Variants in PBX1 observed in about 807,000 individuals in gnomAD.
The protein encoded by PBX1 is PBX homeobox 1.
Under a neutral mutation model 53.4 loss-of-function variants are expected in PBX1, and 6 were observed. The observed-to-expected ratio is 0.11, with a 90% confidence interval of 0.06 to 0.22. The LOEUF is 0.22. PBX1 is among the 10% of genes least tolerant of loss of function. The probability of loss-of-function intolerance (pLI) is 1.00; values close to 1 mark genes in which losing one functional copy is unlikely to be tolerated. For synonymous variants in PBX1, 204 were observed against 212.3 expected, an observed-to-expected ratio of 0.96 and a Z score of 0.34; for missense variants, 251 against 551.4, an observed-to-expected ratio of 0.46 and a Z score of 5.46.
intron 2 of PBX1, among the ~76,000 whole-genome samples, chr1:164,782,546 T>A (rs2102277962): frequency 6.6e-6 from 1 of 152,378 alleles, no homozygotes; most frequent in South Asian, 2.1e-4. Flanking sequence ...AATAGCTCAT[T>A]GTATTAGGAA....
rs1324857509 is a variant in PBX1, at chr1:164,663,212, G to GCCTT, written c.265+99905_265+99908dup. Among the ~76,000 whole-genome samples, 685 of 140,154 alleles carry GCCTT rather than the reference G, an allele frequency of 4.9e-3. 5 individuals carry two copies. The highest frequency in any genetic ancestry group is 0.016 in the African/African-American group (606 of 37,500). 91.9% of individuals were successfully genotyped at this position (140,154 alleles called of 152,430 possible). A position where few individuals can be genotyped will look rare whatever the true frequency, so the allele number is the denominator to read the frequency against. On this transcript the variant is annotated intron_variant, in intron 2 of 8. Transcript: ENST00000420696. ...TGTCTTCCTTCCTGCCTTCCTTCCT[G>GCCTT]CCTTCCTGCCTTCCTGCCTTCCTTC...
intron 2 of PBX1, among the ~76,000 whole-genome samples, chr1:164,712,169 G>T: frequency 9.6e-6 from 1 of 104,176 alleles, no homozygotes; most frequent in Admixed American, 1.3e-4. Flanking sequence ...AGGGAAGGAA[G>T]AAGAGATTAA....
chr1:164,588,473 CTT>C (rs371768861), intron 2 of PBX1, among the ~76,000 whole-genome samples: 319 of 72,972 alleles, frequency 4.4e-3, no homozygotes, highest in African/African-American at 0.012. Flanking sequence ...CCGGACTAAG[CTT>C]TTTTTTTTTT....
chr1:164,615,800 A>G (rs1342008202), intron 2 of PBX1, among the ~76,000 whole-genome samples: 1 of 152,198 alleles, frequency 6.6e-6, no homozygotes, highest in African/African-American at 2.4e-5. Flanking sequence ...AACTGTCACA[A>G]GAGGGGAGGA....
intron 2 of PBX1, among the ~76,000 whole-genome samples, chr1:164,564,212 CT>C (rs1411987522): frequency 1.6e-4 from 25 of 152,144 alleles, no homozygotes; most frequent in African/African-American, 5.6e-4. Context: ...CTGCTGGGCT[CT>C]GACTTACCCG....
At chr1:164,779,074 C>T (rs1323456070) in intron 2 of PBX1, among the ~76,000 whole-genome samples, 1 of 145,522 alleles carries the variant, frequency 6.9e-6, no homozygotes, top group Non-Finnish European at 1.5e-5. Context: ...GACGGAGTCT[C>T]ACTCTGTCCC....
At chr1:164,769,231 G>A (rs980102685) in intron 2 of PBX1, 19 of 152,116 alleles carry the variant, frequency 1.2e-4, no homozygotes, top group African/African-American at 4.6e-4. Flanking sequence ...TCTCACAGGG[G>A]TCAAATGAGA....
At chr1:164,679,837 A>T (rs1661649026) in intron 2 of PBX1, among the ~76,000 whole-genome samples, 1 of 152,164 alleles carries the variant, frequency 6.6e-6, no homozygotes, top group African/African-American at 2.4e-5. Context: ...TAGGACAAAC[A>T]TTGATCACCC....
intron 2 of PBX1, chr1:164,684,550 T>A (rs1661983031): frequency 6.6e-6 from 1 of 152,202 alleles, no homozygotes. Context: ...TGACCAGTCC[T>A]TTCACTGAAA....
intron 2 of PBX1, among the ~76,000 whole-genome samples, chr1:164,665,005 A>G (rs1308997345): frequency 3.6e-4 from 55 of 152,338 alleles, no homozygotes; most frequent in Admixed American, 3.3e-3. Context: ...GTCTTAGAAA[A>G]GAGACCATTT....
chr1:164,801,940 C>A (rs1669098279), intron 4 of PBX1, among the ~76,000 whole-genome samples: 1 of 152,230 alleles, frequency 6.6e-6, no homozygotes, highest in South Asian at 2.1e-4. Context: ...CCTCCAGCGT[C>A]ACTAGCTATA....
At chr1:164,866,115 G>A (rs1672210509) in intron 2 of PBX1, among the ~76,000 whole-genome samples, 1 of 152,104 alleles carries the variant, frequency 6.6e-6, no homozygotes, top group Non-Finnish European at 1.5e-5. Flanking sequence ...TTAAAAACTT[G>A]TACTATTGTT....
At chr1:164,862,498 G>C (rs1479164524) in intron 2 of PBX1, among the ~76,000 whole-genome samples, 4 of 152,170 alleles carry the variant, frequency 2.6e-5, no homozygotes. Context: ...TACTAAGTGG[G>C]AATAAAAAGG....
intron 2 of PBX1, among the ~76,000 whole-genome samples, chr1:164,756,027 A>C (rs1571345042): frequency 6.6e-6 from 1 of 151,620 alleles, no homozygotes; most frequent in Non-Finnish European, 1.5e-5. Flanking sequence ...AAAGAAAAAA[A>C]CCCTTCCCTT....
chr1:164,837,506 G>A (rs11585116), intron 8 of PBX1, among the ~76,000 whole-genome samples: 3 of 152,164 alleles, frequency 2.0e-5, no homozygotes, highest in Non-Finnish European at 2.9e-5. Flanking sequence ...TCAGCTCTAC[G>A]TGAATATAAT....
intron 6 of PBX1, chr1:164,814,386 T>C (rs1446930002): frequency 1.3e-5 from 2 of 152,220 alleles, no homozygotes; most frequent in Admixed American, 6.5e-5. Context: ...AACCTCAGTA[T>C]TGAAGCAGAA....
At chr1:164,786,227 C>T (rs1428506390) in intron 2 of PBX1, among the ~76,000 whole-genome samples, 1 of 150,976 alleles carries the variant, frequency 6.6e-6, no homozygotes, top group African/African-American at 2.5e-5. Context: ...AATATTGGAA[C>T]AGACATTTAG....
intron 2 of PBX1, among the ~76,000 whole-genome samples, chr1:164,857,224 A>G (rs757992465): frequency 3.3e-5 from 5 of 152,170 alleles, no homozygotes; most frequent in Non-Finnish European, 7.3e-5. Context: ...CTCAAATTCA[A>G]TAATTTGCTG....
chr1:164,632,784 C>T (rs1262774702), intron 2 of PBX1, among the ~76,000 whole-genome samples: 1 of 152,110 alleles, frequency 6.6e-6, no homozygotes, highest in African/African-American at 2.4e-5. Context: ...TTACCAGGAA[C>T]TCATTGGTGC....
Sources: allele counts gnomAD v4.1 joint callset (sites outside exome capture counted in the v4.1 genomes callset), GRCh38; gene constraint gnomAD v4.1.1; transcripts MANE v1.5; gene names NCBI Gene and HGNC (gene_info 2026-07-23, HGNC 2026-07-21).